Variants in MYL6B observed in about 807,000 individuals in gnomAD.
MYL6B encodes myosin alkali light chain 1 slow a.
MYL6B carries 19 observed loss-of-function variants against 24.5 expected under a neutral mutation model. The ratio of observed to expected loss-of-function variants is 0.78; its 90% CI spans 0.54 to 1.14. The LOEUF (loss-of-function observed/expected upper bound fraction) is 1.14, where lower values mean the gene tolerates loss of function less well. MYL6B is among the 50% of genes most tolerant of loss of function. The probability of loss-of-function intolerance (pLI) is 0.00; values close to 1 mark genes in which losing one functional copy is unlikely to be tolerated. For synonymous variants in MYL6B, 90 were observed against 100.7 expected, an observed-to-expected ratio of 0.89 and a Z score of 0.64; for missense variants, 230 against 263.8, an observed-to-expected ratio of 0.87 and a Z score of 0.89.
At chr12:56,154,128 G>A (rs765965460) in intron 2 of MYL6B, 36 bp downstream of exon 2, 1 of 1,590,898 alleles carries the variant, frequency 6.3e-7, no homozygotes, top group Admixed American at 1.8e-5. Context: ...AATTGGAGGG[G>A]GTGGTTTGAG....
chr12:56,154,188 A>G, intron 2 of MYL6B, 96 bp downstream of exon 2: 1 of 1,275,704 alleles, frequency 7.8e-7, no homozygotes, highest in South Asian at 1.5e-5. Flanking sequence ...GTAGGGAATC[A>G]GTGAGCCCTG....
At position 56,155,036 on chromosome 12, in the gene MYL6B, A is replaced by C. The variant is rs1871251997; in HGVS notation, c.203-19A>C. ...GGAACCCTAGTCAGTGTCTACACTG[A>C]CCCTTCCTTATACTTTAGAGTTCAA... On this transcript the variant is annotated intron_variant, in intron 3 of 6. Transcript: ENST00000553066. 6.2e-7 allele frequency: 1 copy of C among 1,600,484 alleles called. No individual in the cohort carries two copies. The highest frequency in any genetic ancestry group is 1.4e-5 in the African/African-American group (1 of 73,886).
intron 2 of MYL6B, 44 bp downstream of exon 2, chr12:56,154,136 G>C: frequency 6.3e-7 from 1 of 1,583,698 alleles, no homozygotes; most frequent in Middle Eastern, 1.7e-4. Flanking sequence ...GGGGTGGTTT[G>C]AGGGTGGGAT....
exon 7 of MYL6B, chr12:56,157,727 G>C: frequency 6.2e-7 from 1 of 1,611,942 alleles, no homozygotes; most frequent in Non-Finnish European, 8.5e-7. Context: ...AAGCGTCTGA[G>C]TGCTGCAGGT....
chr12:56,153,555 T>A, intron 1 of MYL6B: 2 of 870,388 alleles, frequency 2.3e-6, no homozygotes, highest in South Asian at 5.2e-5. Context: ...CTGGATCACC[T>A]GCTTTGCCTC....
At chr12:56,154,895 T>A in intron 3 of MYL6B, 55 bp downstream of exon 3, 1 of 1,593,756 alleles carries the variant, frequency 6.3e-7, no homozygotes, top group African/African-American at 1.3e-5. Flanking sequence ...CTGGTCAGAT[T>A]CTCTTTCTAT....
At chr12:56,153,125 C>A (rs1224048294) in intron 1 of MYL6B, among the ~76,000 whole-genome samples, 1 of 152,080 alleles carries the variant, frequency 6.6e-6, no homozygotes, top group African/African-American at 2.4e-5. Flanking sequence ...AGCAAGCACC[C>A]TACCTTTTGT....
chr12:56,157,711 C>T (rs1221664541), exon 7 of MYL6B: 4 of 1,612,742 alleles, frequency 2.5e-6, no homozygotes, highest in Non-Finnish European at 1.7e-6. Flanking sequence ...TCTTGAAACA[C>T]ATCCTAAGCG....
At position 56,155,402 on chromosome 12, in the gene MYL6B, C is replaced by T. The variant is rs780878797; in HGVS notation, c.347-17C>T. 10 of 1,614,014 alleles carry T rather than the reference C, an allele frequency of 6.2e-6. 1 individual carries two copies. The South Asian group carries it at 6.6e-5, about 11-fold the overall frequency. ...AATACTACAATGACCTCTCCTTTAC[C>T]TCTCTCCAACCTCCAGAGCTGAAGT... On this transcript the variant is annotated splice_polypyrimidine_tract_variant and intron_variant, in intron 4 of 6. Coordinates refer to ENST00000553066, the Ensembl canonical transcript of MYL6B.
At chr12:56,157,590 G>C (rs778317276) in intron 6 of MYL6B, 45 bp downstream of exon 6, 66 of 1,613,146 alleles carry the variant, frequency 4.1e-5, no homozygotes, top group Non-Finnish European at 5.6e-5. Flanking sequence ...GAGGAGGGCA[G>C]CCTGGCGTCT....
chr12:56,155,084 C>G, exon 4 of MYL6B: 1 of 1,613,564 alleles, frequency 6.2e-7, no homozygotes, highest in Non-Finnish European at 8.5e-7. Flanking sequence ...GCTGTTTGAC[C>G]GAGTGGGGGA....
At chr12:56,156,749 T>TAA (rs58480834) in intron 5 of MYL6B, among the ~76,000 whole-genome samples, 3 of 142,580 alleles carry the variant, frequency 2.1e-5, no homozygotes, top group African/African-American at 5.1e-5. Flanking sequence ...TATCTCTATT[T>TAA]AAAAAAAAAA....
chr12:56,157,676 C>T (rs1166326780), intron 6 of MYL6B, 22 bp from the exon 7 acceptor site: 1 of 1,613,282 alleles, frequency 6.2e-7, no homozygotes, highest in Non-Finnish European at 8.5e-7. Flanking sequence ...TCTGAAGCCC[C>T]TCTTGCCTCC....
intron 1 of MYL6B, chr12:56,153,512 C>T (rs1336087810): frequency 1.0e-6 from 1 of 982,926 alleles, no homozygotes; most frequent in African/African-American, 1.8e-5. Flanking sequence ...TGGCTGCTAC[C>T]CCTCACCCCA....
intron 5 of MYL6B, 143 bp downstream of exon 5, chr12:56,155,735 A>C: frequency 6.5e-7 from 1 of 1,540,884 alleles, no homozygotes; most frequent in Non-Finnish European, 8.7e-7. Flanking sequence ...GGTCAGAGCT[A>C]TGGGGGTAGA....
chr12:56,157,407 G>C (rs958558891), intron 5 of MYL6B, 61 bp from the exon 6 acceptor site: 25 of 1,496,138 alleles, frequency 1.7e-5, no homozygotes, highest in Non-Finnish European at 2.3e-5. Context: ...AAAAGGAAAA[G>C]CGTGGCCTGG....
intron 1 of MYL6B, 141 bp from the exon 2 acceptor site, chr12:56,153,732 A>T (rs775719989): frequency 5.2e-6 from 3 of 575,982 alleles, no homozygotes; most frequent in Non-Finnish European, 8.8e-6. Flanking sequence ...ACCTTGGGGC[A>T]GGAGTCCTGA....
Position 56,157,492 on chromosome 12 carries a change from TG to T in MYL6B, c.547del (p.Glu183ArgfsTer20), listed in dbSNP as rs1360687607. The T allele has an allele frequency of 1.2e-6, 2 of 1,612,792 alleles. No homozygotes were observed. The highest frequency in any genetic ancestry group is 2.2e-5 in the South Asian group (2 of 91,028). ...GGAGAGAAGATGACTGAGGAGGAGG[TG>T]GAGACCGTTCTGGCAGGACACGAGG... is the stretch of plus-strand genomic sequence containing the variant. On this transcript the variant is annotated frameshift_variant, in exon 6 of 7. Transcript: ENST00000553066. LOFTEE classifies it high-confidence loss of function.
rs751615812 is a variant in MYL6B at position 56,155,467 on chromosome 12, A to G, written c.395A>G (p.Gln132Arg). The change falls in exon 5 of 7, where the codon CAG becomes CGG. Residue 132 changes from glutamine (Q) to arginine (R), a missense_variant. Transcript: ENST00000553066. Reference sequence around the variant, plus strand: ...TTTGAGACTTTCCTGCCCATGCTCCAGGCAGTGGCCAAGAACCGAGGCCAA... The same window carrying G: ...TTTGAGACTTTCCTGCCCATGCTCCGGGCAGTGGCCAAGAACCGAGGCCAA... The G allele has an allele frequency of 3.1e-6, 5 of 1,614,116 alleles. No homozygotes were observed. In the Admixed American group the frequency reaches 8.3e-5, roughly 27 times the overall value.
Sources: allele counts gnomAD v4.1 joint callset (sites outside exome capture counted in the v4.1 genomes callset), GRCh38; gene constraint gnomAD v4.1.1; transcripts MANE v1.5; gene names NCBI Gene and HGNC (gene_info 2026-07-23, HGNC 2026-07-21).